BCL11B: variants seen among roughly 807,000 people sequenced by gnomAD.
BCL11B encodes the protein B-cell lymphoma/leukemia 11B.
BCL11B carries 8 observed loss-of-function variants against 49.9 expected under a neutral mutation model. The observed-to-expected ratio is 0.16, with a 90% CI of 0.09 to 0.29. BCL11B has a LOEUF of 0.29. BCL11B is among the 10% of genes least tolerant of loss of function. The pLI, the probability that BCL11B is intolerant of heterozygous loss-of-function variation, is 1.00. For synonymous variants in BCL11B, 739 were observed against 637.4 expected (o/e 1.16, Z -2.40); for missense variants, 1,006 against 1,351.0 (o/e 0.74, Z 4.00).
rs1458077198 is a variant in BCL11B at position 99,266,107 on chromosome 14, CCAAA to C, written c.58+5050_58+5053del. Among the ~76,000 whole-genome samples the C allele has an allele frequency of 5.9e-5, 9 of 152,300 alleles. No homozygotes were observed. The East Asian group carries it at 1.5e-3, about 26-fold the overall frequency. ...TGGCTCTAGCAATCACATACTCTTT[CCAAA>C]CAAAGTTTTACATGTTATTTGAGTC... On this transcript the variant is annotated intron_variant, in intron 1 of 3. Transcript: ENST00000357195.
At chr14:99,254,179 T>C (rs538446741) in intron 2 of BCL11B, among the ~76,000 whole-genome samples, 82 of 152,284 alleles carry the variant, frequency 5.4e-4, no homozygotes, top group African/African-American at 1.8e-3. Context: ...AGGTGCTCAG[T>C]TGCTGAATGA....
chr14:99,177,398 G>A (rs1322519516), intron 3 of BCL11B, among the ~76,000 whole-genome samples: 1 of 151,494 alleles, frequency 6.6e-6, no homozygotes, highest in Non-Finnish European at 1.5e-5. Context: ...ACAAAATGGA[G>A]GCTGAACATT....
chr14:99,218,391 T>A (rs1174412549), intron 3 of BCL11B, among the ~76,000 whole-genome samples: 1 of 152,006 alleles, frequency 6.6e-6, no homozygotes, highest in Non-Finnish European at 1.5e-5. Context: ...CAGATTTTTT[T>A]AAGCCATCTC....
intron 3 of BCL11B, among the ~76,000 whole-genome samples, chr14:99,190,909 G>GC (rs576840432): frequency 9.2e-5 from 14 of 151,976 alleles, no homozygotes; most frequent in East Asian, 5.8e-4. Flanking sequence ...CGGCCACACG[G>GC]GGGGGGTCAC....
intron 3 of BCL11B, among the ~76,000 whole-genome samples, chr14:99,188,391 C>T (rs1466209143): frequency 6.6e-6 from 1 of 152,234 alleles, no homozygotes; most frequent in Non-Finnish European, 1.5e-5. Context: ...GAGACCATTA[C>T]CCAGTCCCAC....
chr14:99,209,208 CAG>C (rs905079283), intron 3 of BCL11B, among the ~76,000 whole-genome samples: 4 of 152,308 alleles, frequency 2.6e-5, no homozygotes, highest in African/African-American at 9.6e-5. Flanking sequence ...CATCCTGCCA[CAG>C]AGTCACAATG....
chr14:99,271,234 T>C lies in BCL11B; in HGVS notation c.-16A>G. 6.6e-7 allele frequency: 1 copy of C among 1,512,630 alleles called. No individual in the cohort carries two copies. Among genetic ancestry groups the C allele is most frequent in the Non-Finnish European group, 8.8e-7 (1 of 1,134,942 alleles). The allele number at this position is 1,512,630 out of a possible 1,614,324, so 93.7% of individuals were successfully genotyped here. On this transcript the variant is annotated 5_prime_UTR_variant, in exon 1 of 4. Transcript: ENST00000357195. Reference sequence around the variant, plus strand: ...GGCGGGACATTGCCCCGGCATCTATTCTGGCATCGCCCGGAGAGCTGCACT... The same window carrying C: ...GGCGGGACATTGCCCCGGCATCTATCCTGGCATCGCCCGGAGAGCTGCACT...
intron 3 of BCL11B, among the ~76,000 whole-genome samples, chr14:99,230,096 C>T (rs1296026617): frequency 1.3e-5 from 2 of 152,172 alleles, no homozygotes; most frequent in African/African-American, 2.4e-5. Flanking sequence ...CACCACCTGT[C>T]ACAGCAGGGA....
intron 1 of BCL11B, chr14:99,263,292 T>C (rs1889389945): frequency 6.5e-6 from 1 of 153,420 alleles, no homozygotes; most frequent in South Asian, 2.1e-4. Context: ...CCCCATGAGG[T>C]CCTGTCTGCC....
intron 3 of BCL11B, among the ~76,000 whole-genome samples, chr14:99,176,690 T>C (rs1262799086): frequency 6.6e-6 from 1 of 152,050 alleles, no homozygotes; most frequent in Non-Finnish European, 1.5e-5. Context: ...GTGGGGGCTG[T>C]CCTGCGCATT....
chr14:99,212,282 A>C (rs807562), intron 3 of BCL11B, among the ~76,000 whole-genome samples: 99,698 of 152,030 alleles, frequency 0.66, 33,019 homozygotes, highest in Admixed American at 0.72. Context: ...CAGGTTGGTC[A>C]GACAGCTGCA....
intron 3 of BCL11B, among the ~76,000 whole-genome samples, chr14:99,224,580 C>T (rs1201412960): frequency 2.0e-5 from 3 of 152,194 alleles, no homozygotes; most frequent in Non-Finnish European, 4.4e-5. Context: ...CAAGGCTTTC[C>T]GGCATCTCAG....
intron 1 of BCL11B, among the ~76,000 whole-genome samples, chr14:99,260,304 G>T (rs558949893): frequency 2.0e-5 from 3 of 152,276 alleles, no homozygotes; most frequent in Middle Eastern, 3.4e-3. Flanking sequence ...TGATAAAAAC[G>T]TACAACGACA....
intron 3 of BCL11B, among the ~76,000 whole-genome samples, chr14:99,181,785 C>T (rs1221697892): frequency 2.0e-5 from 3 of 152,160 alleles, no homozygotes; most frequent in Non-Finnish European, 4.4e-5. Context: ...AAACCAGATC[C>T]CAGGGCCCCC....
rs1177406254 is a variant in BCL11B, at chr14:99,231,849, C to T, written c.428-292G>A. Among the ~76,000 whole-genome samples, 3 of 151,838 alleles carry T rather than the reference C, an allele frequency of 2.0e-5. No homozygotes were observed. The highest frequency in any genetic ancestry group is 2.0e-4 in the Admixed American group (3 of 15,278). On this transcript the variant is annotated intron_variant, in intron 2 of 3. Transcript: ENST00000357195. The surrounding 1 kb of genome is among the most constrained non-coding windows in gnomAD (Gnocchi z 8.1). ...GGCCTGGTGCAGGGGGCTGGGTGAA[C>T]GGGGGCTGTGAGGACCCACTCTCAG... is the stretch of plus-strand genomic sequence containing the variant.
At chr14:99,254,749 G>A (rs568701512) in intron 2 of BCL11B, among the ~76,000 whole-genome samples, 1 of 152,256 alleles carries the variant, frequency 6.6e-6, no homozygotes, top group Admixed American at 6.5e-5. Flanking sequence ...GGCCAGGAGC[G>A]TGGGCAGCAG....
intron 2 of BCL11B, among the ~76,000 whole-genome samples, chr14:99,253,994 A>ACAGC (rs1266233583): frequency 6.6e-6 from 1 of 152,204 alleles, no homozygotes; most frequent in African/African-American, 2.4e-5. Flanking sequence ...TCCTCCGTCC[A>ACAGC]CAGCGAATGC....
chr14:99,263,377 G>A (rs1045448970), intron 1 of BCL11B, among the ~76,000 whole-genome samples: 3 of 152,206 alleles, frequency 2.0e-5, no homozygotes, highest in Admixed American at 6.5e-5. Context: ...GGCGGCCGGT[G>A]CAAAACATGC....
intron 3 of BCL11B, among the ~76,000 whole-genome samples, chr14:99,214,372 A>AT (rs1887770250): frequency 6.6e-6 from 1 of 152,150 alleles, no homozygotes. Flanking sequence ...CCTGGGAAAC[A>AT]TAGCAAGACC....
Sources: gnomAD v4.1 joint callset for allele counts (sites outside exome capture counted in the v4.1 genomes callset) on GRCh38, gnomAD v4.1.1 for gene constraint, Gnocchi (gnomAD v3.1) non-coding constraint, MANE v1.5 for transcripts, NCBI Gene and HGNC (gene_info 2026-07-23, HGNC 2026-07-21) for gene names.